Variants in GPC5 observed in about 807,000 individuals in gnomAD.
GPC5 encodes glypican 5, also known as glypican-5.
A neutral mutation model predicts 53.9 loss-of-function variants in GPC5; 47 were observed. That is an observed-to-expected ratio of 0.87 (90% confidence interval 0.69 to 1.11). The LOEUF (loss-of-function observed/expected upper bound fraction) is 1.11. Among genes scored for constraint, GPC5 ranks in the 50% most tolerant of loss-of-function variants. The pLI is 0.00. For synonymous variants in GPC5, 286 were observed against 263.3 expected (o/e 1.09, Z -0.84); for missense variants, 748 against 713.1 (o/e 1.05, Z -0.56).
At chr13:92,075,481 T>C (rs1376965453) in intron 6 of GPC5, among the ~76,000 whole-genome samples, 4 of 152,208 alleles carry the variant, frequency 2.6e-5, no homozygotes, top group African/African-American at 4.8e-5. Context: ...GACCCAATTC[T>C]AAAAATTTAA....
At chr13:91,469,851 C>A (rs541357624) in intron 2 of GPC5, among the ~76,000 whole-genome samples, 1 of 152,064 alleles carries the variant, frequency 6.6e-6, no homozygotes, top group East Asian at 1.9e-4. Context: ...ACCAGCCTGG[C>A]CAACATGATG....
At position 92,810,903 on chromosome 13, in the gene GPC5, G is replaced by C. The variant is rs1458709567; in HGVS notation, c.1562-55379G>C. Among the ~76,000 whole-genome samples, 4 of 151,872 alleles carry C rather than the reference G, an allele frequency of 2.6e-5. No individual in the cohort carries two copies. In the East Asian group the frequency reaches 7.8e-4, roughly 29 times the overall value. On this transcript the variant is annotated intron_variant, in intron 7 of 7. Coordinates refer to ENST00000377067, the MANE Select transcript of GPC5 (RefSeq NM_004466.6). ...AACCAGCTAATTTTTTGTATTTTTA[G>C]TAGAGACGGGGTTTCACCGTGTTAG...
chr13:92,328,296 G>T (rs1369853885), intron 7 of GPC5, among the ~76,000 whole-genome samples: 2 of 152,104 alleles, frequency 1.3e-5, no homozygotes, highest in Non-Finnish European at 2.9e-5. Flanking sequence ...ATATCTGGAG[G>T]ACTGCAAAAC....
chr13:92,448,240 T>C (rs1877911527), intron 7 of GPC5: 2 of 152,178 alleles, frequency 1.3e-5, no homozygotes, highest in Non-Finnish European at 2.9e-5. Flanking sequence ...TTTATTCATC[T>C]TGGTTTCATT....
At chr13:92,250,939 T>A (rs917937766) in intron 7 of GPC5, among the ~76,000 whole-genome samples, 1 of 152,106 alleles carries the variant, frequency 6.6e-6, no homozygotes, top group Non-Finnish European at 1.5e-5. Context: ...AAAATGGGCA[T>A]AGGATCAGAA....
chr13:92,078,469 G>A (rs769632445), intron 6 of GPC5, among the ~76,000 whole-genome samples: 8 of 152,250 alleles, frequency 5.3e-5, no homozygotes, highest in East Asian at 1.9e-4. Flanking sequence ...GTTAATACAC[G>A]TAAAATACCT....
At chr13:92,664,354 A>ATTT (rs34073544) in intron 7 of GPC5, among the ~76,000 whole-genome samples, 1 of 144,184 alleles carries the variant, frequency 6.9e-6, no homozygotes, top group African/African-American at 2.6e-5. Flanking sequence ...AATCCAATAG[A>ATTT]TTTTTTTTTT....
At chr13:91,759,713 T>TG (rs1250239029) in intron 5 of GPC5, among the ~76,000 whole-genome samples, 1 of 151,858 alleles carries the variant, frequency 6.6e-6, no homozygotes, top group East Asian at 1.9e-4. Flanking sequence ...GAGATTTTTT[T>TG]TTTCTCAATG....
intron 7 of GPC5, among the ~76,000 whole-genome samples, chr13:92,610,732 A>G (rs1884406270): frequency 6.6e-6 from 1 of 152,126 alleles, no homozygotes; most frequent in Non-Finnish European, 1.5e-5. Flanking sequence ...TGGAAGGTGA[A>G]GGGGAAGCAG....
chr13:92,480,932 G>T (rs1261353901), intron 7 of GPC5, among the ~76,000 whole-genome samples: 5 of 152,114 alleles, frequency 3.3e-5, no homozygotes, highest in African/African-American at 1.2e-4. Flanking sequence ...AGCGATTGCT[G>T]GTTTTAAAGA....
chr13:91,866,449 T>G lies in GPC5; in HGVS notation c.1281-41488T>G, dbSNP rs186489037. ...GATCCCCATGAATGGTTTTGTGCTG[T>G]CCTCCTGGTAATGGGTGAGTTCTCG... On this transcript the variant is annotated intron_variant, in intron 5 of 7. Coordinates refer to ENST00000377067, the MANE Select transcript of GPC5 (RefSeq NM_004466.6). Among the ~76,000 whole-genome samples, 225 of 152,270 alleles carry G rather than the reference T, an allele frequency of 1.5e-3. 1 individual carries two copies. In the Middle Eastern group the frequency reaches 0.054, roughly 37 times the overall value.
At chr13:91,669,122 A>T (rs565587377) in intron 2 of GPC5, among the ~76,000 whole-genome samples, 2 of 152,322 alleles carry the variant, frequency 1.3e-5, no homozygotes, top group South Asian at 4.1e-4. Flanking sequence ...AAGATCATGA[A>T]ATATGGTTCT....
At chr13:91,817,131 A>G (rs1207861530) in intron 5 of GPC5, among the ~76,000 whole-genome samples, 3 of 152,214 alleles carry the variant, frequency 2.0e-5, no homozygotes, top group Admixed American at 6.5e-5. Flanking sequence ...TCACATACCT[A>G]GTCCATTTTA....
rs116499136 is a variant in GPC5 at position 92,118,582 on chromosome 13, T to C, written c.1402-26248T>C. ...TTATTTCTCTATATATGATCCATCT[T>C]ACAGAGGCCACATTCCTGGTTCTCT... On this transcript the variant is annotated intron_variant, in intron 6 of 7. Coordinates refer to ENST00000377067, the MANE Select transcript of GPC5 (RefSeq NM_004466.6). Among the ~76,000 whole-genome samples, 716 of 152,232 alleles carry C rather than the reference T, an allele frequency of 4.7e-3. 10 individuals carry two copies. Among genetic ancestry groups the C allele is most frequent in the African/African-American group, 0.016 (670 of 41,542 alleles).
At chr13:92,217,721 T>G (rs1269128033) in intron 7 of GPC5, among the ~76,000 whole-genome samples, 1 of 152,124 alleles carries the variant, frequency 6.6e-6, no homozygotes, top group African/African-American at 2.4e-5. Context: ...TTTTTTTCTT[T>G]TAACAACATT....
chr13:92,084,878 T>A (rs1266859110), intron 6 of GPC5, among the ~76,000 whole-genome samples: 1 of 152,244 alleles, frequency 6.6e-6, no homozygotes, highest in African/African-American at 2.4e-5. Context: ...TTAGACAGGA[T>A]AATTTAGACA....
intron 1 of GPC5, among the ~76,000 whole-genome samples, chr13:91,409,372 T>G (rs1877559337): frequency 6.6e-6 from 1 of 152,176 alleles, no homozygotes; most frequent in African/African-American, 2.4e-5. Context: ...TTCTTCAGGG[T>G]ACTATTTGTT....
At chr13:91,623,558 A>C (rs965336040) in intron 2 of GPC5, among the ~76,000 whole-genome samples, 1 of 152,106 alleles carries the variant, frequency 6.6e-6, no homozygotes, top group African/African-American at 2.4e-5. Flanking sequence ...GGTTTATCTT[A>C]TTTATGGCTA....
intron 7 of GPC5, among the ~76,000 whole-genome samples, chr13:92,773,819 T>C (rs1034162220): frequency 4.8e-4 from 73 of 152,160 alleles, no homozygotes; most frequent in Non-Finnish European, 1.5e-4. Context: ...AAGCTTCTAA[T>C]AAAGACATAC....
Sources: allele counts gnomAD v4.1 joint callset (sites outside exome capture counted in the v4.1 genomes callset), GRCh38; gene constraint gnomAD v4.1.1; transcripts MANE v1.5; gene names NCBI Gene and HGNC (gene_info 2026-07-23, HGNC 2026-07-21).